ADGRE1: variants seen among roughly 807,000 people sequenced by gnomAD.
ADGRE1 encodes the protein EGF-like module receptor 1.
A neutral mutation model predicts 102.7 loss-of-function variants in ADGRE1; 82 were observed. The ratio of observed to expected loss-of-function variants is 0.80; its 90% confidence interval spans 0.67 to 0.96. The LOEUF (loss-of-function observed/expected upper bound fraction) is 0.96. Ranked by LOEUF, ADGRE1 falls within the 40% of genes least tolerant of loss-of-function variation. The pLI, the probability that ADGRE1 is intolerant of heterozygous loss-of-function variation, is 0.00. For missense variants in ADGRE1, 1,032 were observed against 1,085.3 expected, an observed-to-expected ratio of 0.95 and a Z score of 0.69; for synonymous variants, 398 against 399.6, an observed-to-expected ratio of 1.00 and a Z score of 0.05.
chr19:6,910,014 G>C (rs1170962055), intron 10 of ADGRE1, among the ~76,000 whole-genome samples: 1 of 152,112 alleles, frequency 6.6e-6, no homozygotes, highest in East Asian at 1.9e-4. Context: ...GATTAGAGGT[G>C]TGAGCCACCA....
At chr19:6,904,383 C>G (rs1042443821) in intron 8 of ADGRE1, among the ~76,000 whole-genome samples, 4 of 146,814 alleles carry the variant, frequency 2.7e-5, no homozygotes, top group African/African-American at 1.0e-4. Context: ...CAGGACCCTG[C>G]AGTAGGCACT....
At chr19:6,916,119 A>G (rs546478121) in intron 11 of ADGRE1, 130 bp from the exon 12 acceptor site, 2 of 978,710 alleles carry the variant, frequency 2.0e-6, no homozygotes, top group African/African-American at 1.6e-5. Context: ...GATCTTTCCT[A>G]TGATGAATTG....
chr19:6,892,303 C>T (rs1973407997), intron 2 of ADGRE1, among the ~76,000 whole-genome samples: 1 of 152,148 alleles, frequency 6.6e-6, no homozygotes, highest in Admixed American at 6.5e-5. Flanking sequence ...AATAATGTCA[C>T]AATCACGATA....
intron 12 of ADGRE1, among the ~76,000 whole-genome samples, chr19:6,918,407 C>T (rs1325560366): frequency 2.6e-5 from 4 of 151,878 alleles, no homozygotes; most frequent in Non-Finnish European, 5.9e-5. Flanking sequence ...TGCCATTGCA[C>T]TCCAGCATGG....
intron 10 of ADGRE1, among the ~76,000 whole-genome samples, chr19:6,911,797 TACATACACATGCAC>T: frequency 8.1e-6 from 1 of 123,690 alleles, no homozygotes; most frequent in South Asian, 2.7e-4. Flanking sequence ...ACATATAACA[TACATACACATGCAC>T]ACATACACAT....
At chr19:6,905,508 A>G (rs1379053389) in intron 8 of ADGRE1, among the ~76,000 whole-genome samples, 3 of 151,970 alleles carry the variant, frequency 2.0e-5, no homozygotes, top group Non-Finnish European at 4.4e-5. Flanking sequence ...GCCCATCACC[A>G]CACCCAGCTA....
chr19:6,931,528 T>A (rs1975150609), intron 17 of ADGRE1, among the ~76,000 whole-genome samples: 2 of 152,350 alleles, frequency 1.3e-5, no homozygotes, highest in South Asian at 4.1e-4. Context: ...CCAGGTGCAG[T>A]GGCTCATGCC....
At chr19:6,906,273 G>A (rs1195972833) in intron 8 of ADGRE1, among the ~76,000 whole-genome samples, 160 bp from the exon 9 acceptor site, 1 of 152,212 alleles carries the variant, frequency 6.6e-6, no homozygotes, top group Non-Finnish European at 1.5e-5. Flanking sequence ...CGTCCTTCAT[G>A]TTGTAGTGTG....
intron 16 of ADGRE1, among the ~76,000 whole-genome samples, chr19:6,926,929 T>A (rs1001302513): frequency 6.6e-6 from 1 of 151,958 alleles, no homozygotes; most frequent in Non-Finnish European, 1.5e-5. Context: ...CATGGTGGTG[T>A]GCACCTGTAA....
intron 16 of ADGRE1, among the ~76,000 whole-genome samples, chr19:6,927,459 T>C (rs1974970324): frequency 6.6e-6 from 1 of 152,024 alleles, no homozygotes; most frequent in Non-Finnish European, 1.5e-5. Context: ...ACTCATAGTC[T>C]AGTAGTGGAA....
intron 14 of ADGRE1, 71 bp downstream of exon 14, chr19:6,921,954 A>T (rs1210557570): frequency 8.6e-6 from 13 of 1,516,744 alleles, no homozygotes; most frequent in Non-Finnish European, 1.1e-5. Context: ...TATTGATTAA[A>T]CATCTGTTGT....
intron 17 of ADGRE1, chr19:6,928,450 AC>A: frequency 2.2e-6 from 2 of 925,706 alleles, no homozygotes; most frequent in Non-Finnish European, 3.1e-6. Context: ...ACTTGGCGAA[AC>A]CCCATCTCTG....
At chr19:6,923,188 G>T (rs1171221061) in intron 14 of ADGRE1, among the ~76,000 whole-genome samples, 2 of 152,192 alleles carry the variant, frequency 1.3e-5, no homozygotes, top group African/African-American at 4.8e-5. Context: ...GGATTTAAGA[G>T]AACTGGATCC....
At position 6,919,927 on chromosome 19, in the gene ADGRE1, C is replaced by T. The variant is rs370115344; in HGVS notation, c.1620+180C>T. ...AGAGGAATGAGGTCTCCCACTGTCA[C>T]CAAACAGAACTAGGTCCATTTGCCC... On this transcript the variant is annotated intron_variant, in intron 13 of 20. Coordinates refer to ENST00000312053, the MANE Select transcript of ADGRE1 (RefSeq NM_001974.5). Among the ~76,000 whole-genome samples the T allele has an allele frequency of 5.3e-5, 8 of 152,266 alleles. No individual in the cohort carries two copies. The East Asian group carries it at 1.5e-3, about 29-fold the overall frequency.
chr19:6,925,702 A>T (rs168781), intron 15 of ADGRE1, among the ~76,000 whole-genome samples: 149,846 of 152,024 alleles, frequency 0.99, 73,889 homozygotes, highest in Middle Eastern at 1. Flanking sequence ...TTAAATTTTT[A>T]ATTTTTTTAG....
intron 16 of ADGRE1, among the ~76,000 whole-genome samples, chr19:6,927,560 A>G (rs1386927521): frequency 6.6e-6 from 1 of 152,178 alleles, no homozygotes; most frequent in East Asian, 1.9e-4. Flanking sequence ...TGCTAGATGG[A>G]TACCAGGAGC....
chr19:6,894,127 A>AC (rs1197973196), intron 2 of ADGRE1, among the ~76,000 whole-genome samples: 1 of 152,146 alleles, frequency 6.6e-6, no homozygotes, highest in African/African-American at 2.4e-5. Context: ...ATGATTAGCA[A>AC]CCTTAATTCC....
intron 6 of ADGRE1, 69 bp from the exon 7 acceptor site, chr19:6,903,741 T>A: frequency 6.3e-7 from 1 of 1,590,902 alleles, no homozygotes; most frequent in Non-Finnish European, 8.6e-7. Context: ...CTCCATATTT[T>A]GCAAAGGGAA....
intron 5 of ADGRE1, chr19:6,898,332 C>A: frequency 6.3e-7 from 1 of 1,598,064 alleles, no homozygotes; most frequent in Non-Finnish European, 8.6e-7. Flanking sequence ...CTCAAAGCCC[C>A]CAGCCCTGTG....
Sources: allele counts gnomAD v4.1 joint callset (sites outside exome capture counted in the v4.1 genomes callset), GRCh38; gene constraint gnomAD v4.1.1; transcripts MANE v1.5; gene names NCBI Gene and HGNC (gene_info 2026-07-23, HGNC 2026-07-21).